SCHIP1: variants seen among roughly 807,000 people sequenced by gnomAD.
SCHIP1 encodes the protein schwannomin-interacting protein 1.
SCHIP1 carries 8 observed loss-of-function variants against 29.7 expected under a neutral mutation model. The ratio of observed to expected loss-of-function variants is 0.27; its 90% CI spans 0.16 to 0.49. The LOEUF (loss-of-function observed/expected upper bound fraction) is 0.49, where lower values mean the gene tolerates loss of function less well. SCHIP1 is among the 20% of genes least tolerant of loss of function. The pLI is 0.99. For missense variants in SCHIP1, 193 were observed against 294.6 expected (o/e 0.66, Z 2.52); for synonymous variants, 76 against 94.9 (o/e 0.80, Z 1.16).
chr3:159,594,715 T>G, the SCHIP1 span, among the ~76,000 whole-genome samples: 2 of 152,200 alleles, frequency 1.3e-5, no homozygotes, highest in South Asian at 4.1e-4. Flanking sequence ...TAACTATAAT[T>G]TTATTTCTGA....
At chr3:159,885,851 C>A (rs181058714) in intron 2 of SCHIP1, among the ~76,000 whole-genome samples, 1 of 152,228 alleles carries the variant, frequency 6.6e-6, no homozygotes, top group Non-Finnish European at 1.5e-5. Flanking sequence ...GATGACACCA[C>A]GCAGCCTTAT....
the SCHIP1 span, among the ~76,000 whole-genome samples, chr3:159,562,823 CT>C: frequency 2.0e-5 from 3 of 151,584 alleles, no homozygotes; most frequent in Non-Finnish European, 4.4e-5. Flanking sequence ...GCAATTTTTA[CT>C]TTTTTTTTCC....
chr3:159,600,900 T>G, the SCHIP1 span, among the ~76,000 whole-genome samples: 2 of 152,230 alleles, frequency 1.3e-5, no homozygotes, highest in African/African-American at 4.8e-5. Flanking sequence ...GTGCATGCAG[T>G]AGTATATTCT....
At chr3:159,783,134 T>C in the SCHIP1 span, among the ~76,000 whole-genome samples, 2 of 152,242 alleles carry the variant, frequency 1.3e-5, no homozygotes, top group African/African-American at 4.8e-5. Flanking sequence ...TGCTAGATAC[T>C]TGGGAGTCAA....
chr3:159,323,051 A>G, the SCHIP1 span, among the ~76,000 whole-genome samples: 1 of 152,142 alleles, frequency 6.6e-6, no homozygotes, highest in Non-Finnish European at 1.5e-5. Flanking sequence ...GACTGGGAAG[A>G]TGTGTGGTAT....
At chr3:159,470,936 G>A in the SCHIP1 span, among the ~76,000 whole-genome samples, 3 of 152,020 alleles carry the variant, frequency 2.0e-5, no homozygotes, top group African/African-American at 7.2e-5. Context: ...TGCTGGAAAA[G>A]GCAAAGGTAG....
the SCHIP1 span, among the ~76,000 whole-genome samples, chr3:159,822,717 A>C: frequency 2.0e-5 from 3 of 150,702 alleles, no homozygotes; most frequent in Non-Finnish European, 4.4e-5. Flanking sequence ...AACACTGGAA[A>C]ATGACTCTTC....
chr3:159,550,382 A>G, the SCHIP1 span, among the ~76,000 whole-genome samples: 1 of 151,966 alleles, frequency 6.6e-6, no homozygotes, highest in Admixed American at 6.6e-5. Flanking sequence ...ATTTTTTGCT[A>G]TATATATTTT....
the SCHIP1 span, among the ~76,000 whole-genome samples, chr3:159,682,876 A>T: frequency 6.6e-6 from 1 of 152,196 alleles, no homozygotes; most frequent in African/African-American, 2.4e-5. Context: ...ATTCCTGATA[A>T]ACTTTTAACC....
the SCHIP1 span, among the ~76,000 whole-genome samples, chr3:159,609,737 G>A: frequency 6.6e-6 from 1 of 152,000 alleles, no homozygotes; most frequent in African/African-American, 2.4e-5. Context: ...TGGACGACTC[G>A]CCTCTGAGTG....
At chr3:159,379,752 A>C in the SCHIP1 span, among the ~76,000 whole-genome samples, 1 of 151,702 alleles carries the variant, frequency 6.6e-6, no homozygotes, top group Admixed American at 6.6e-5. Context: ...GACAAAAAGA[A>C]AAGCTGCCTG....
chr3:159,555,884 A>G, the SCHIP1 span, among the ~76,000 whole-genome samples: 5 of 152,150 alleles, frequency 3.3e-5, no homozygotes, highest in Non-Finnish European at 5.9e-5. Context: ...ACATGGACAC[A>G]GGGAGGGGAA....
the SCHIP1 span, among the ~76,000 whole-genome samples, chr3:159,279,260 C>G: frequency 6.6e-6 from 1 of 152,144 alleles, no homozygotes; most frequent in Non-Finnish European, 1.5e-5. Flanking sequence ...TTATAAAGGG[C>G]AGTTCCCCTG....
the SCHIP1 span, among the ~76,000 whole-genome samples, chr3:159,354,770 T>C: frequency 6.6e-6 from 1 of 152,060 alleles, no homozygotes; most frequent in Non-Finnish European, 1.5e-5. Context: ...GTAAGTACAA[T>C]AGCTACTTAT....
the SCHIP1 span, among the ~76,000 whole-genome samples, chr3:159,393,481 G>A: frequency 3.2e-4 from 49 of 151,944 alleles, no homozygotes; most frequent in Non-Finnish European, 6.5e-4. Context: ...ATCTTGAATT[G>A]ATTTTTGTAT....
the SCHIP1 span, among the ~76,000 whole-genome samples, chr3:159,428,277 A>T: frequency 1.3e-5 from 2 of 152,118 alleles, no homozygotes; most frequent in African/African-American, 4.8e-5. Context: ...AATGGGAGAA[A>T]ATTTTCTCAA....
At chr3:159,353,259 A>G in the SCHIP1 span, among the ~76,000 whole-genome samples, 3 of 152,226 alleles carry the variant, frequency 2.0e-5, no homozygotes, top group East Asian at 5.8e-4. Context: ...ACATGTATAC[A>G]TATGTAACAA....
chr3:159,500,662 C>T, the SCHIP1 span, among the ~76,000 whole-genome samples: 6 of 150,832 alleles, frequency 4.0e-5, no homozygotes, highest in Non-Finnish European at 5.9e-5. Flanking sequence ...TGCAGTGAGC[C>T]GAGATTGTGT....
exon 1 of SCHIP1, chr3:159,839,933 GCTCCATGTTCCTAAGCCTGC>G: frequency 7.1e-7 from 1 of 1,408,582 alleles, no homozygotes. Flanking sequence ...CCCGGTCCCA[GCTCCATGTTCCTAAGCCTGC>G]CTCACTGGTT....
Sources: allele counts gnomAD v4.1 joint callset (sites outside exome capture counted in the v4.1 genomes callset), GRCh38; gene constraint gnomAD v4.1.1; transcripts MANE v1.5; gene names NCBI Gene and HGNC (gene_info 2026-07-23, HGNC 2026-07-21).